The following FBXW10 variants were observed in gnomAD, a reference collection of about 807,000 sequenced individuals.
The protein encoded by FBXW10 is F-box and WD repeat domain containing 10.
In FBXW10, 68 loss-of-function variants were observed where a neutral mutation model predicts 113.1. That is an observed-to-expected ratio of 0.60 (90% CI 0.49 to 0.74). FBXW10 has a LOEUF of 0.74. Among genes scored for constraint, FBXW10 ranks in the 30% least tolerant of loss-of-function variants. The probability of loss-of-function intolerance (pLI) is 0.00; values close to 1 mark genes in which losing one functional copy is unlikely to be tolerated. For synonymous variants in FBXW10, 289 were observed against 481.6 expected, an observed-to-expected ratio of 0.60 and a Z score of 5.24; for missense variants, 753 against 1,284.5, an observed-to-expected ratio of 0.59 and a Z score of 6.32.
chr17:18,751,412 A>T (rs1422718460), intron 5 of FBXW10, among the ~76,000 whole-genome samples: 3 of 150,322 alleles, frequency 2.0e-5, no homozygotes, highest in Non-Finnish European at 3.0e-5. Flanking sequence ...TTTTTTTTTT[A>T]GTGGAGGCGG....
At chr17:18,768,026 T>TTTCTTCCTTCCTTCCTTC (rs2035532886) in intron 9 of FBXW10, among the ~76,000 whole-genome samples, 3 of 135,678 alleles carry the variant, frequency 2.2e-5, no homozygotes, top group Non-Finnish European at 4.7e-5. Context: ...TTCCTTCCTT[T>TTTCTTCCTTCCTTCCTTC]CTTCCTTCCT....
chr17:18,757,954 T>A (rs984842306), intron 6 of FBXW10, among the ~76,000 whole-genome samples: 5 of 152,326 alleles, frequency 3.3e-5, no homozygotes, highest in Admixed American at 2.0e-4. Context: ...CCCAACTGTG[T>A]TCCTCTGACG....
At chr17:18,762,325 T>C (rs1206202934) in intron 7 of FBXW10, among the ~76,000 whole-genome samples, 2 of 149,672 alleles carry the variant, frequency 1.3e-5, no homozygotes, top group African/African-American at 4.9e-5. Flanking sequence ...TATCTTTTTT[T>C]TTTTTTTTTT....
At position 18,758,396 on chromosome 17, in the gene FBXW10, G is replaced by T. The variant is rs775852762; in HGVS notation, c.1324G>T (p.Val442Leu). ...RKIHLLDIIQ[V>L]KAIPVEFRGH... is the part of the protein sequence containing the mutation. ...GATCCATCTTCTGGACATCATACAA[G>T]TGAAAGCGATACCCGTTGAATTCCG... is the stretch of plus-strand genomic sequence containing the variant. Residue 442 changes from valine (V) to leucine (L), a missense_variant, in exon 7 of 14, where the codon GTG becomes TTG. Coordinates refer to ENST00000395665, the MANE Select transcript of FBXW10 (RefSeq NM_001267585.2). 6.2e-7 allele frequency: 1 copy of T among 1,610,668 alleles called. No individual in the cohort carries two copies. Among genetic ancestry groups the T allele is most frequent in the South Asian group, 1.1e-5 (1 of 90,932 alleles).
At chr17:18,772,928 C>CTTTTT (rs940811811) in intron 12 of FBXW10, among the ~76,000 whole-genome samples, 1 of 135,644 alleles carries the variant, frequency 7.4e-6, no homozygotes, top group South Asian at 2.3e-4. Context: ...TTCTTTCTTT[C>CTTTTT]TTTTTTTTTT....
At chr17:18,757,087 C>T (rs1419371938) in intron 6 of FBXW10, among the ~76,000 whole-genome samples, 1 of 151,900 alleles carries the variant, frequency 6.6e-6, no homozygotes, top group African/African-American at 2.4e-5. Flanking sequence ...TATATATATA[C>T]ACATATACAC....
chr17:18,777,937 A>C (rs1376511175), intron 13 of FBXW10, among the ~76,000 whole-genome samples: 3 of 151,878 alleles, frequency 2.0e-5, no homozygotes, highest in Non-Finnish European at 2.9e-5. Flanking sequence ...TCTTTACTCA[A>C]TACTAGCATT....
chr17:18,762,522 C>G (rs980256749), intron 7 of FBXW10, among the ~76,000 whole-genome samples: 1 of 151,550 alleles, frequency 6.6e-6, no homozygotes, highest in South Asian at 2.1e-4. Flanking sequence ...CGAGGTTTCA[C>G]TATGTTGGCC....
chr17:18,756,135 G>A lies in FBXW10; in HGVS notation c.1213G>A (p.Val405Ile), dbSNP rs778116642. Residue 405 changes from valine to isoleucine, a missense_variant, in exon 6 of 14, where the codon GTT (valine) becomes ATT (isoleucine). Transcript: ENST00000395665. ...ERNVFCGTYNVRILSDTWDQN... is the reference protein window; with the variant it reads ...ERNVFCGTYNIRILSDTWDQN... ...AAATGTTTTCTGTGGGACCTACAAT[G>A]TTCGCATTCTCTCTGACACGTAGGT... 3.0e-5 allele frequency: 48 copies of A among 1,613,798 alleles called. No homozygotes were observed. Among genetic ancestry groups the A allele is most frequent in the Non-Finnish European group, 3.6e-5 (43 of 1,179,852 alleles).
At chr17:18,747,382 G>A (rs1163320952) in intron 1 of FBXW10, among the ~76,000 whole-genome samples, 2 of 152,060 alleles carry the variant, frequency 1.3e-5, no homozygotes, top group Non-Finnish European at 2.9e-5. Context: ...CCAACATGGC[G>A]AAACCCCATC....
chr17:18,754,950 A>G (rs974960263), intron 5 of FBXW10, among the ~76,000 whole-genome samples: 1 of 152,236 alleles, frequency 6.6e-6, no homozygotes, highest in Non-Finnish European at 1.5e-5. Flanking sequence ...TGAAAGTTGC[A>G]GATGTATGAA....
intron 7 of FBXW10, among the ~76,000 whole-genome samples, chr17:18,759,094 T>C (rs2035330134): frequency 6.6e-6 from 1 of 151,970 alleles, no homozygotes; most frequent in Non-Finnish European, 1.5e-5. Context: ...GGTGTGAACC[T>C]GGGAGGTGGA....
At chr17:18,755,199 G>T (rs2035235360) in intron 5 of FBXW10, among the ~76,000 whole-genome samples, 1 of 151,906 alleles carries the variant, frequency 6.6e-6, no homozygotes, top group African/African-American at 2.4e-5. Flanking sequence ...GGAGGCGGAG[G>T]TTGCAGTGAG....
chr17:18,777,465 T>C (rs1288313567), intron 13 of FBXW10, among the ~76,000 whole-genome samples: 2 of 152,092 alleles, frequency 1.3e-5, no homozygotes, highest in Non-Finnish European at 2.9e-5. Flanking sequence ...TGTTGAAAAA[T>C]AGTTATGCTA....
chr17:18,766,339 A>T (rs916850059), intron 8 of FBXW10, among the ~76,000 whole-genome samples: 24 of 150,634 alleles, frequency 1.6e-4, no homozygotes, highest in African/African-American at 5.9e-4. Context: ...ACCTGCCCCT[A>T]CTCAAGCTGT....
At chr17:18,766,370 T>C (rs1459437445) in intron 8 of FBXW10, among the ~76,000 whole-genome samples, 3 of 152,012 alleles carry the variant, frequency 2.0e-5, no homozygotes, top group African/African-American at 4.8e-5. Context: ...TTTTATGAAA[T>C]CTACTCGATA....
At chr17:18,774,290 T>A (rs192197593) in intron 12 of FBXW10, among the ~76,000 whole-genome samples, 15 of 152,232 alleles carry the variant, frequency 9.9e-5, no homozygotes, top group Non-Finnish European at 1.6e-4. Context: ...GGAAAACAGC[T>A]GCGCTATGTG....
chr17:18,775,494 T>G (rs2151833660), intron 13 of FBXW10, among the ~76,000 whole-genome samples: 1 of 152,278 alleles, frequency 6.6e-6, no homozygotes, highest in South Asian at 2.1e-4. Context: ...CTTTCTAAGG[T>G]TTGCGTTTCC....
At position 18,768,026 on chromosome 17, in the gene FBXW10, T is replaced by TTCCTTCCTTCCTTC. The variant is rs2035532886; in HGVS notation, c.1705-508_1705-507insTCCTTCCTTCCTTC. Among the ~76,000 whole-genome samples the TTCCTTCCTTCCTTC allele has an allele frequency of 2.9e-3, 394 of 135,790 alleles. 2 individuals carry two copies. The highest frequency in any genetic ancestry group is 3.9e-3 in the African/African-American group (140 of 35,736). 89.1% of individuals were successfully genotyped at this position (135,790 alleles called of 152,430 possible). A position where few individuals can be genotyped will look rare whatever the true frequency, so the allele number is the denominator to read the frequency against. ...TTTTCTTTTCCTTCCTTCCTTCCTTTCTTCCTTCCTTCCTTCCTTCCTTCC... is the reference window on the plus strand; with the variant it reads ...TTTTCTTTTCCTTCCTTCCTTCCTTTTCCTTCCTTCCTTCCTTCCTTCCTTCCTTCCTTCCTTCC... On this transcript the variant is annotated intron_variant, in intron 9 of 13. Transcript: ENST00000395665.
Sources: gnomAD v4.1 joint callset for allele counts (sites outside exome capture counted in the v4.1 genomes callset) on GRCh38, gnomAD v4.1.1 for gene constraint, MANE v1.5 for transcripts, NCBI Gene and HGNC (gene_info 2026-07-23, HGNC 2026-07-21) for gene names.